Variants in DACH2 observed in about 807,000 individuals in gnomAD.
DACH2 encodes the protein dachshund homolog 2.
In DACH2, 17 loss-of-function variants were observed where a neutral mutation model predicts 35.8. That is an observed-to-expected ratio of 0.48 (90% CI 0.33 to 0.71). The LOEUF (loss-of-function observed/expected upper bound fraction) is 0.71, where lower values mean the gene tolerates loss of function less well. Among genes scored for constraint, DACH2 ranks in the 30% least tolerant of loss-of-function variants. The probability of loss-of-function intolerance (pLI) is 0.02; values close to 1 mark genes in which losing one functional copy is unlikely to be tolerated. For synonymous variants in DACH2, 195 were observed against 177.3 expected, an observed-to-expected ratio of 1.10 and a Z score of -0.79; for missense variants, 469 against 472.7, an observed-to-expected ratio of 0.99 and a Z score of 0.07.
intron 2 of DACH2, among the ~76,000 whole-genome samples, chrX:86,468,547 A>G: frequency 8.9e-6 from 1 of 111,757 alleles, no homozygotes; most frequent in East Asian, 2.8e-4. Context: ...TACTGAGAGT[A>G]CTTCCAATTT....
At chrX:86,689,457 G>T (rs1459426233) in intron 4 of DACH2, among the ~76,000 whole-genome samples, 4 of 105,788 alleles carry the variant, frequency 3.8e-5, no homozygotes, top group African/African-American at 1.4e-4. Context: ...TACAAAAAAT[G>T]AAGTCTTTAA....
chrX:86,764,000 T>G (rs1322323507), intron 7 of DACH2, among the ~76,000 whole-genome samples: 2 of 111,991 alleles, frequency 1.8e-5, no homozygotes, highest in African/African-American at 3.2e-5. Context: ...GAAACTTTTT[T>G]GACCTGTTCT....
chrX:86,238,053 A>G (rs2033091938), intron 1 of DACH2, among the ~76,000 whole-genome samples: 1 of 112,375 alleles, frequency 8.9e-6, no homozygotes, highest in South Asian at 3.6e-4. Context: ...GCCATTCAGC[A>G]GGTCCCAAGT....
At chrX:86,486,855 A>G (rs1262020375) in intron 2 of DACH2, among the ~76,000 whole-genome samples, 2 of 111,975 alleles carry the variant, frequency 1.8e-5, no homozygotes, top group Non-Finnish European at 3.8e-5. Flanking sequence ...GAACCTTAGC[A>G]TAGTGCTAGA....
intron 1 of DACH2, among the ~76,000 whole-genome samples, chrX:86,295,259 G>T (rs371572149): frequency 2.7e-5 from 3 of 112,343 alleles, no homozygotes; most frequent in African/African-American, 9.7e-5. Flanking sequence ...GTGAGGCAAT[G>T]CCTCGCCCTG....
At chrX:86,340,957 A>G (rs1398694321) in intron 1 of DACH2, among the ~76,000 whole-genome samples, 1 of 111,957 alleles carries the variant, frequency 8.9e-6, no homozygotes, top group Non-Finnish European at 1.9e-5. Flanking sequence ...AAGCTAGCTG[A>G]AGTTGGTTCA....
chrX:86,610,323 T>C (rs982535737), intron 3 of DACH2, among the ~76,000 whole-genome samples: 3 of 110,101 alleles, frequency 2.7e-5, no homozygotes, highest in African/African-American at 9.9e-5. Flanking sequence ...TTCTTTCTCC[T>C]TCCTTCCTTC....
rs772017490 is a variant in DACH2, at chrX:86,622,931, G to A, written c.641-28105G>A. On this transcript the variant is annotated intron_variant, in intron 3 of 11. Transcript: ENST00000373125. ...AAAACTGGTGTTTGATGGCAGTGAA[G>A]GTATGTTTGTGAGTACTATTAACAC... Among the ~76,000 whole-genome samples the A allele has an allele frequency of 2.0e-4, 22 of 111,604 alleles. No homozygotes were observed. In the South Asian group the frequency reaches 8.2e-3, roughly 42 times the overall value.
chrX:86,739,083 A>T (rs2041626595), intron 6 of DACH2, among the ~76,000 whole-genome samples: 1 of 110,462 alleles, frequency 9.1e-6, no homozygotes, highest in African/African-American at 3.3e-5. Context: ...CATTTTGATC[A>T]GGCTGATATC....
intron 5 of DACH2, among the ~76,000 whole-genome samples, chrX:86,702,276 T>C (rs909046491): frequency 9.1e-6 from 1 of 110,070 alleles, no homozygotes; most frequent in Non-Finnish European, 1.9e-5. Flanking sequence ...GAAAGAAAAA[T>C]AGTGTCAAGA....
At chrX:86,271,943 C>T (rs939444502) in intron 1 of DACH2, among the ~76,000 whole-genome samples, 4 of 110,870 alleles carry the variant, frequency 3.6e-5, no homozygotes, top group Admixed American at 2.9e-4. Context: ...TAATAATGTA[C>T]ACTGTACCCA....
chrX:86,380,217 A>T (rs944801121), intron 2 of DACH2, among the ~76,000 whole-genome samples: 1 of 110,457 alleles, frequency 9.1e-6, no homozygotes, highest in African/African-American at 3.3e-5. Context: ...AGGTGCTGCA[A>T]TTATAATCGT....
At chrX:86,610,359 CTTCCTCTT>C (rs1279098372) in intron 3 of DACH2, among the ~76,000 whole-genome samples, 4 of 89,779 alleles carry the variant, frequency 4.5e-5, no homozygotes, top group Non-Finnish European at 8.9e-5. Context: ...TCCTTCCTTC[CTTCCTCTT>C]TCTTTCTTTC....
chrX:86,789,866 A>T (rs2147321344), intron 7 of DACH2, among the ~76,000 whole-genome samples: 1 of 112,064 alleles, frequency 8.9e-6, no homozygotes, highest in East Asian at 2.8e-4. Context: ...TCAAGTCAAT[A>T]GAAATAGATG....
intron 1 of DACH2, among the ~76,000 whole-genome samples, chrX:86,188,257 C>T (rs1179926259): frequency 2.7e-5 from 3 of 111,722 alleles, no homozygotes; most frequent in African/African-American, 9.8e-5. Context: ...AAATTAAAAA[C>T]TAAGGGAAGA....
chrX:86,326,178 T>A (rs914616774), intron 1 of DACH2, among the ~76,000 whole-genome samples: 2 of 111,094 alleles, frequency 1.8e-5, no homozygotes, highest in Non-Finnish European at 3.8e-5. Flanking sequence ...TGTTTGCATT[T>A]AAAAATATCT....
chrX:86,730,136 C>T (rs2041516417), intron 6 of DACH2, among the ~76,000 whole-genome samples: 2 of 111,161 alleles, frequency 1.8e-5, no homozygotes, highest in Non-Finnish European at 3.8e-5. Context: ...ATGCTTGTCA[C>T]TGATGATCAT....
rs141510450 is a variant in DACH2, at chrX:86,809,895, C to T, written c.1241-2961C>T. On this transcript the variant is annotated intron_variant, in intron 7 of 11. Transcript: ENST00000373125. The stretch of plus-strand genomic sequence containing the variant: ...ATAGAAGCTTAGATCCGTGTGCTGT[C>T]TCTATGTGTCTCTCTTGAGCCACAT... 8.6e-3 allele frequency among the ~76,000 whole-genome samples: 951 copies of T among 110,985 alleles called. 14 individuals carry two copies. Among genetic ancestry groups the T allele is most frequent in the African/African-American group, 0.03 (904 of 30,587 alleles).
At chrX:86,539,083 A>G (rs151289284) in intron 3 of DACH2, among the ~76,000 whole-genome samples, 10 of 111,162 alleles carry the variant, frequency 9.0e-5, no homozygotes, top group African/African-American at 2.3e-4. Flanking sequence ...CCCAAATCTC[A>G]TCTCGAATTG....
Sources: gnomAD v4.1 joint callset for allele counts (sites outside exome capture counted in the v4.1 genomes callset) on GRCh38, gnomAD v4.1.1 for gene constraint, MANE v1.5 for transcripts, NCBI Gene and HGNC (gene_info 2026-07-23, HGNC 2026-07-21) for gene names.